The following SAMD12 variants were observed in gnomAD, a reference collection of about 807,000 sequenced individuals.
The protein encoded by SAMD12 is sterile alpha motif domain-containing protein 12.
A neutral mutation model predicts 15.0 loss-of-function variants in SAMD12; 9 were observed. The observed-to-expected ratio is 0.60, with a 90% CI of 0.36 to 1.05. The LOEUF (loss-of-function observed/expected upper bound fraction) is 1.05, where lower values mean the gene tolerates loss of function less well. SAMD12 is among the 50% of genes least tolerant of loss of function. The probability of loss-of-function intolerance (pLI) is 0.01; values close to 1 mark genes in which losing one functional copy is unlikely to be tolerated. For missense variants in SAMD12, 230 were observed against 234.2 expected (o/e 0.98, Z 0.12); for synonymous variants, 86 against 90.1 (o/e 0.96, Z 0.25).
At chr8:118,395,380 G>A (rs1820503086) in intron 3 of SAMD12, among the ~76,000 whole-genome samples, 1 of 152,036 alleles carries the variant, frequency 6.6e-6, no homozygotes, top group South Asian at 2.1e-4. Flanking sequence ...ATTACAGAAC[G>A]TGTATCTCAG....
At chr8:118,159,285 C>T in the SAMD12 span, among the ~76,000 whole-genome samples, 1 of 152,206 alleles carries the variant, frequency 6.6e-6, no homozygotes, top group African/African-American at 2.4e-5. Context: ...TTGTGGTACA[C>T]CTAGTCCAGT....
At chr8:118,524,418 C>T (rs1331042442) in intron 2 of SAMD12, among the ~76,000 whole-genome samples, 1 of 152,138 alleles carries the variant, frequency 6.6e-6, no homozygotes, top group East Asian at 1.9e-4. Flanking sequence ...TCTCTGACTC[C>T]TTACTGTTTC....
In SAMD12 at chr8:118,340,597, T is replaced by C. The variant is rs572019759; in HGVS notation, c.433+38963A>G. ...CAGCCTGGCCAATATGGCGAAACCC[T>C]GTCTTCACTAAAAATACAAAAATTA... On this transcript the variant is annotated intron_variant, in intron 4 of 4. Transcript: ENST00000409003. 3.1e-4 allele frequency among the ~76,000 whole-genome samples: 47 copies of C among 152,256 alleles called. 1 individual carries two copies. The highest frequency in any genetic ancestry group is 9.6e-4 in the African/African-American group (40 of 41,558).
At chr8:118,339,937 C>T (rs562205802) in intron 4 of SAMD12, among the ~76,000 whole-genome samples, 1 of 152,246 alleles carries the variant, frequency 6.6e-6, no homozygotes, top group South Asian at 2.1e-4. Context: ...GGCGGCATGA[C>T]CGGCATTTAA....
At chr8:118,605,166 C>T (rs1205730146) in intron 1 of SAMD12, among the ~76,000 whole-genome samples, 9 of 152,086 alleles carry the variant, frequency 5.9e-5, no homozygotes, top group African/African-American at 1.2e-4. Flanking sequence ...GCCTTGACAA[C>T]GACCATCAAA....
intron 1 of SAMD12, among the ~76,000 whole-genome samples, chr8:118,585,721 T>C (rs1165420911): frequency 1.3e-5 from 2 of 152,238 alleles, no homozygotes; most frequent in Non-Finnish European, 2.9e-5. Context: ...CTTGTCCTAA[T>C]CAGCAGAAGC....
At chr8:118,282,175 T>C (rs1053912204) in intron 4 of SAMD12, 1 of 409,530 alleles carries the variant, frequency 2.4e-6, no homozygotes, top group African/African-American at 2.1e-5. Flanking sequence ...GTAAAAATGA[T>C]TACTTCCCTT....
In SAMD12 at chr8:118,356,017, C is replaced by T. The variant is rs186016442; in HGVS notation, c.433+23543G>A. 6.0e-3 allele frequency among the ~76,000 whole-genome samples: 910 copies of T among 152,296 alleles called. 14 individuals are homozygous for T. Among genetic ancestry groups the T allele is most frequent in the African/African-American group, 0.02 (818 of 41,558 alleles). ...TTAGAATAGCCTTATAAAATACATT[C>T]TTCATCCTTACATTAATCTCCGCAA... On this transcript the variant is annotated intron_variant, in intron 4 of 4. Coordinates refer to the SAMD12 transcript ENST00000409003.
At chr8:118,561,693 T>C (rs1050714145) in intron 2 of SAMD12, among the ~76,000 whole-genome samples, 1 of 152,060 alleles carries the variant, frequency 6.6e-6, no homozygotes, top group Non-Finnish European at 1.5e-5. Flanking sequence ...TTCAATTACC[T>C]CCCACCAGGT....
intron 4 of SAMD12, among the ~76,000 whole-genome samples, chr8:118,301,666 C>T (rs772108032): frequency 6.6e-6 from 1 of 152,140 alleles, no homozygotes; most frequent in Non-Finnish European, 1.5e-5. Flanking sequence ...TGACATCTGT[C>T]GTGATGGATA....
intron 2 of SAMD12, among the ~76,000 whole-genome samples, chr8:118,576,222 T>A (rs1247592755): frequency 6.6e-6 from 1 of 152,214 alleles, no homozygotes. Flanking sequence ...TAATGAACAC[T>A]TGAAATGTGG....
the SAMD12 span, among the ~76,000 whole-genome samples, chr8:118,179,457 A>AG: frequency 6.6e-6 from 1 of 151,054 alleles, no homozygotes; most frequent in Admixed American, 6.6e-5. Context: ...AAAAAAAAAA[A>AG]GAATTCTAAA....
rs28401660 is a variant in SAMD12 at position 118,443,501 on chromosome 8, G to A, written c.193-3540C>T. Among the ~76,000 whole-genome samples the A allele has an allele frequency of 4.6e-3, 702 of 152,026 alleles. 7 individuals carry two copies. Among genetic ancestry groups the A allele is most frequent in the African/African-American group, 0.015 (627 of 41,482 alleles). ...TCAAAAAAAAAAATTAAGATGGTAT[G>A]AGCCTACAAAAATGCCTCCATGTAA... is the stretch of plus-strand genomic sequence containing the variant. On this transcript the variant is annotated intron_variant, in intron 2 of 3. Transcript: ENST00000314727.
intron 3 of SAMD12, among the ~76,000 whole-genome samples, chr8:118,394,586 C>T (rs1820454342): frequency 6.6e-6 from 1 of 152,180 alleles, no homozygotes; most frequent in African/African-American, 2.4e-5. Context: ...TTAAGAGTGA[C>T]AGTCCCATAT....
intron 4 of SAMD12, among the ~76,000 whole-genome samples, chr8:118,273,095 A>G (rs1217631192): frequency 6.6e-6 from 1 of 152,202 alleles, no homozygotes; most frequent in East Asian, 1.9e-4. Context: ...GACATACCTG[A>G]GACTGGGTAA....
At chr8:118,281,212 T>C (rs1042367456) in intron 4 of SAMD12, among the ~76,000 whole-genome samples, 2 of 152,014 alleles carry the variant, frequency 1.3e-5, no homozygotes, top group Admixed American at 1.3e-4. Context: ...ATTTCACAGA[T>C]TAGGAAATAG....
intron 1 of SAMD12, among the ~76,000 whole-genome samples, chr8:118,615,654 T>A (rs1828221708): frequency 6.6e-6 from 1 of 152,156 alleles, no homozygotes; most frequent in Admixed American, 6.5e-5. Flanking sequence ...CCTACCCTTG[T>A]AATATGTCAC....
chr8:118,361,800 GGA>G (rs1818513089), intron 4 of SAMD12, among the ~76,000 whole-genome samples: 1 of 152,134 alleles, frequency 6.6e-6, no homozygotes, highest in East Asian at 1.9e-4. Flanking sequence ...TATACAGGGT[GGA>G]GCAATAATTT....
chr8:118,197,679 G>T (rs368404163), exon 5 of SAMD12: 2 of 1,599,066 alleles, frequency 1.3e-6, no homozygotes, highest in Non-Finnish European at 1.7e-6. Context: ...ATATCAACTG[G>T]CAGGACAGCA....
Sources: gnomAD v4.1 joint callset for allele counts (sites outside exome capture counted in the v4.1 genomes callset) on GRCh38, gnomAD v4.1.1 for gene constraint, MANE v1.5 for transcripts, NCBI Gene and HGNC (gene_info 2026-07-23, HGNC 2026-07-21) for gene names.